ZNG1E: variants seen among roughly 807,000 people sequenced by gnomAD.
ZNG1E encodes zinc-regulated GTPase metalloprotein activator 1E.
chr9:65,706,992 T>A, the ZNG1E span: 5 of 127,938 alleles, frequency 3.9e-5, no homozygotes, highest in African/African-American at 1.7e-4. Context: ...ATTTTTATTT[T>A]TATTTATCTT....
chr9:65,688,150 A>G, the ZNG1E span, among the ~76,000 whole-genome samples: 6 of 150,642 alleles, frequency 4.0e-5, no homozygotes, highest in African/African-American at 1.5e-4. Flanking sequence ...CCTGTTTTTG[A>G]TATTTTAAAT....
At chr9:65,721,001 AT>A in the ZNG1E span, among the ~76,000 whole-genome samples, 1 of 144,918 alleles carries the variant, frequency 6.9e-6, no homozygotes, top group East Asian at 1.9e-4. Context: ...CCAGTTCTTT[AT>A]GATAGTCGGT....
chr9:65,664,283 T>A, the ZNG1E span, among the ~76,000 whole-genome samples: 1 of 151,270 alleles, frequency 6.6e-6, no homozygotes, highest in African/African-American at 2.5e-5. Context: ...TTTGGCTGTG[T>A]CCCCACCCAA....
At chr9:65,660,836 T>C in the ZNG1E span, among the ~76,000 whole-genome samples, 5 of 133,092 alleles carry the variant, frequency 3.8e-5, no homozygotes, top group Middle Eastern at 3.7e-3. Flanking sequence ...CAGATATATA[T>C]ATATATATAT....
At chr9:65,680,387 T>A in the ZNG1E span, among the ~76,000 whole-genome samples, 1 of 152,198 alleles carries the variant, frequency 6.6e-6, no homozygotes, top group Non-Finnish European at 1.5e-5. Context: ...TTTTTCATCA[T>A]CTTATTAAAT....
chr9:65,719,958 A>G, the ZNG1E span: 2 of 1,554,608 alleles, frequency 1.3e-6, no homozygotes, highest in East Asian at 2.2e-5. Context: ...ATGGAAAGTC[A>G]CTTCATTATC....
At chr9:65,671,562 C>T in the ZNG1E span, among the ~76,000 whole-genome samples, 16 of 152,278 alleles carry the variant, frequency 1.1e-4, no homozygotes, top group African/African-American at 3.6e-4. Flanking sequence ...TCAGGTGATC[C>T]ACCCGCCCTG....
chr9:65,727,228 G>A, the ZNG1E span, among the ~76,000 whole-genome samples: 6 of 144,244 alleles, frequency 4.2e-5, no homozygotes, highest in East Asian at 8.0e-4. Flanking sequence ...ATGCTAAAAG[G>A]AACTCTAAAT....
the ZNG1E span, among the ~76,000 whole-genome samples, chr9:65,687,794 CTT>C: frequency 1.6e-3 from 203 of 129,252 alleles, no homozygotes; most frequent in African/African-American, 3.8e-3. Context: ...CTTGAAGGCA[CTT>C]TTTTTTTTTT....
the ZNG1E span, among the ~76,000 whole-genome samples, chr9:65,698,783 C>T: frequency 7.6e-6 from 1 of 131,356 alleles, no homozygotes; most frequent in Non-Finnish European, 1.6e-5. Flanking sequence ...ATGCTGAACA[C>T]AGGAGTTCTG....
the ZNG1E span, among the ~76,000 whole-genome samples, chr9:65,686,857 T>G: frequency 2.0e-5 from 3 of 152,268 alleles, no homozygotes; most frequent in African/African-American, 7.2e-5. Flanking sequence ...CTCACCTCTC[T>G]CAGCCTTCAC....
chr9:65,691,374 A>G, the ZNG1E span, among the ~76,000 whole-genome samples: 1 of 150,778 alleles, frequency 6.6e-6, no homozygotes, highest in African/African-American at 2.5e-5. Flanking sequence ...GAGCCACCAC[A>G]CCCTGCCTCT....
the ZNG1E span, among the ~76,000 whole-genome samples, chr9:65,666,981 C>T: frequency 1.3e-3 from 191 of 151,472 alleles, no homozygotes; most frequent in South Asian, 3.9e-3. Flanking sequence ...CTATCACACT[C>T]GGCAGATTTT....
chr9:65,700,769 A>G, the ZNG1E span: 2 of 124,892 alleles, frequency 1.6e-5, no homozygotes, highest in East Asian at 1.9e-4. Context: ...AATTTATTCT[A>G]TAGAGCCTAT....
chr9:65,693,352 A>G, the ZNG1E span: 1 of 1,256,962 alleles, frequency 8.0e-7, no homozygotes, highest in South Asian at 1.2e-5. Context: ...GTATGTTGTT[A>G]CATACAGTAA....
the ZNG1E span, among the ~76,000 whole-genome samples, chr9:65,701,769 AT>A: frequency 1.1e-4 from 16 of 142,540 alleles, no homozygotes; most frequent in African/African-American, 4.3e-4. Flanking sequence ...TTGCTTTTAC[AT>A]TTTTTGACAC....
the ZNG1E span, among the ~76,000 whole-genome samples, chr9:65,659,386 T>C: frequency 6.6e-6 from 1 of 150,408 alleles, no homozygotes. Context: ...TCCCAGCTAC[T>C]CAGAAGGCTG....
the ZNG1E span, chr9:65,679,568 T>A: frequency 2.1e-6 from 1 of 471,584 alleles, no homozygotes; most frequent in Non-Finnish European, 3.6e-6. Flanking sequence ...TTATTTTATT[T>A]TTTTTGAGAT....
chr9:65,671,302 C>G, the ZNG1E span, among the ~76,000 whole-genome samples: 4 of 151,650 alleles, frequency 2.6e-5, no homozygotes, highest in African/African-American at 4.8e-5. Context: ...AACAAGGAAA[C>G]AGTATAGAAA....
Sources: gnomAD v4.1 joint callset for allele counts (sites outside exome capture counted in the v4.1 genomes callset) on GRCh38, gnomAD v4.1.1 for gene constraint, MANE v1.5 for transcripts, NCBI Gene and HGNC (gene_info 2026-07-23, HGNC 2026-07-21) for gene names.